GALNT14: variants seen among roughly 807,000 people sequenced by gnomAD.
GALNT14 encodes polypeptide N-acetylgalactosaminyltransferase 14.
In GALNT14, 60 loss-of-function variants were observed where a neutral mutation model predicts 77.5. The observed-to-expected ratio is 0.77, with a 90% CI of 0.63 to 0.96. The LOEUF (loss-of-function observed/expected upper bound fraction) is 0.96, where lower values mean the gene tolerates loss of function less well. GALNT14 is among the 40% of genes least tolerant of loss of function. The pLI is 0.00. For synonymous variants in GALNT14, 280 were observed against 281.7 expected, an observed-to-expected ratio of 0.99 and a Z score of 0.06; for missense variants, 710 against 731.0, an observed-to-expected ratio of 0.97 and a Z score of 0.33.
intron 13 of GALNT14, among the ~76,000 whole-genome samples, chr2:30,915,893 A>T (rs757892250): frequency 1.8e-4 from 27 of 152,202 alleles, no homozygotes; most frequent in Non-Finnish European, 1.2e-4. Context: ...GCCCACCAAG[A>T]GTTTGTCTAG....
chr2:31,041,614 G>A (rs1208635147), intron 1 of GALNT14, among the ~76,000 whole-genome samples: 1 of 152,154 alleles, frequency 6.6e-6, no homozygotes, highest in East Asian at 1.9e-4. Context: ...GCAGGGCTTG[G>A]GATCCCATGC....
At chr2:31,062,820 G>C (rs1052831858) in intron 1 of GALNT14, among the ~76,000 whole-genome samples, 2 of 152,194 alleles carry the variant, frequency 1.3e-5, no homozygotes, top group African/African-American at 4.8e-5. Flanking sequence ...CAGTGATGAT[G>C]AGCTTTTTTT....
chr2:31,131,331 C>A (rs1678983329), intron 1 of GALNT14, among the ~76,000 whole-genome samples: 1 of 152,072 alleles, frequency 6.6e-6, no homozygotes. Flanking sequence ...GTGGCAGGGG[C>A]CTGCAGCCAG....
At chr2:30,905,867 C>T (rs1439686091), downstream of GALNT14, among the ~76,000 whole-genome samples, 2 of 151,994 alleles carry the variant, frequency 1.3e-5, no homozygotes, top group Non-Finnish European at 2.9e-5. Context: ...GATCTCTCGG[C>T]AGAAACCCTA....
chr2:30,951,617 T>C (rs1231295811), intron 6 of GALNT14, among the ~76,000 whole-genome samples: 1 of 152,264 alleles, frequency 6.6e-6, no homozygotes, highest in African/African-American at 2.4e-5. Flanking sequence ...ACTTTCATTA[T>C]ATGTATTTTA....
At chr2:31,030,884 A>G (rs1022962127) in intron 1 of GALNT14, among the ~76,000 whole-genome samples, 5 of 151,926 alleles carry the variant, frequency 3.3e-5, no homozygotes, top group African/African-American at 1.2e-4. Context: ...CCCATCAGCA[A>G]CTCTTTTTCT....
intron 1 of GALNT14, among the ~76,000 whole-genome samples, chr2:31,030,855 A>G (rs1388288253): frequency 6.6e-6 from 1 of 152,210 alleles, no homozygotes; most frequent in East Asian, 1.9e-4. Context: ...CTAGATTTAG[A>G]CATGGTTTAA....
intron 1 of GALNT14, among the ~76,000 whole-genome samples, chr2:31,111,268 C>A (rs1192557220): frequency 2.0e-5 from 3 of 152,190 alleles, no homozygotes; most frequent in Non-Finnish European, 2.9e-5. Context: ...GCTTCAATGA[C>A]ACCAGGACAG....
chr2:30,917,076 CAAAAAAAAAAAAA>C (rs529653696), intron 13 of GALNT14, among the ~76,000 whole-genome samples: 7 of 19,908 alleles, frequency 3.5e-4, no homozygotes, highest in East Asian at 1.9e-3. Flanking sequence ...GACTCCGTCT[CAAAAAAAAAAAAA>C]AAAAAAAAAA....
intron 8 of GALNT14, among the ~76,000 whole-genome samples, chr2:30,943,359 A>C (rs1216270189): frequency 2.0e-5 from 3 of 152,118 alleles, no homozygotes; most frequent in Non-Finnish European, 4.4e-5. Context: ...GCCCTCAAAG[A>C]CCTGGCCCCC....
At chr2:31,026,026 A>T (rs1672032357) in intron 1 of GALNT14, among the ~76,000 whole-genome samples, 1 of 152,180 alleles carries the variant, frequency 6.6e-6, no homozygotes, top group Non-Finnish European at 1.5e-5. Context: ...ATCTAAAAAA[A>T]ATCTTCATAG....
chr2:30,942,715 A>G (rs1236066441), intron 8 of GALNT14, among the ~76,000 whole-genome samples: 2 of 152,152 alleles, frequency 1.3e-5, no homozygotes, highest in East Asian at 3.9e-4. Flanking sequence ...ACAGTGGGCT[A>G]CCGACCACGC....
At chr2:31,052,958 G>A (rs1289911041) in intron 1 of GALNT14, among the ~76,000 whole-genome samples, 2 of 152,174 alleles carry the variant, frequency 1.3e-5, no homozygotes, top group Non-Finnish European at 2.9e-5. Flanking sequence ...TACAGCATCA[G>A]TCCTTGCTTG....
At chr2:31,124,212 T>C (rs1017264168) in intron 1 of GALNT14, among the ~76,000 whole-genome samples, 1 of 152,220 alleles carries the variant, frequency 6.6e-6, no homozygotes, top group Non-Finnish European at 1.5e-5. Context: ...TTCACCCATC[T>C]TTCCTGCTTG....
chr2:31,130,111 G>A (rs942118282), intron 1 of GALNT14, among the ~76,000 whole-genome samples: 2 of 152,202 alleles, frequency 1.3e-5, no homozygotes, highest in African/African-American at 2.4e-5. Flanking sequence ...AGTGACATAA[G>A]GAGAATTTAA....
chr2:31,125,370 G>C, intron 1 of GALNT14: 1 of 763,132 alleles, frequency 1.3e-6, no homozygotes, highest in Admixed American at 2.3e-5. Context: ...GGAAAGATCT[G>C]GATCCAGCCT....
At chr2:30,937,782 T>A (rs1264039732) in intron 9 of GALNT14, among the ~76,000 whole-genome samples, 1 of 152,138 alleles carries the variant, frequency 6.6e-6, no homozygotes, top group Non-Finnish European at 1.5e-5. Context: ...CTTTGCTACC[T>A]AAGGTAACAT....
chr2:31,024,959 T>C (rs1035809578), intron 1 of GALNT14, among the ~76,000 whole-genome samples: 1 of 152,210 alleles, frequency 6.6e-6, no homozygotes, highest in Admixed American at 6.5e-5. Flanking sequence ...ACCTGATATG[T>C]GGCTCCACTC....
At chr2:31,129,602 C>G in intron 1 of GALNT14, 1 of 985,390 alleles carries the variant, frequency 1.0e-6, no homozygotes, top group Non-Finnish European at 1.2e-6. Flanking sequence ...GCCTGAAATA[C>G]AGGCACCAGC....
Sources: allele counts gnomAD v4.1 joint callset (sites outside exome capture counted in the v4.1 genomes callset), GRCh38; gene constraint gnomAD v4.1.1; transcripts MANE v1.5; gene names NCBI Gene and HGNC (gene_info 2026-07-23, HGNC 2026-07-21).